SSH1: variants seen among roughly 807,000 people sequenced by gnomAD.
The protein encoded by SSH1 is protein phosphatase Slingshot homolog 1.
Under a neutral mutation model 79.7 loss-of-function variants are expected in SSH1, and 43 were observed. The observed-to-expected ratio is 0.54, with a 90% CI of 0.42 to 0.70. The LOEUF is 0.70. SSH1 is among the 30% of genes least tolerant of loss of function. The probability of loss-of-function intolerance (pLI) is 0.00; values close to 1 mark genes in which losing one functional copy is unlikely to be tolerated. For missense variants in SSH1, 1,206 were observed against 1,358.8 expected (o/e 0.89, Z 1.77); for synonymous variants, 599 against 538.3 (o/e 1.11, Z -1.56).
Position 108,788,890 on chromosome 12 carries a change from C to CT in SSH1, c.2247dup (p.Val750SerfsTer14). On this transcript the variant is annotated frameshift_variant, in exon 15 of 15. Transcript: ENST00000326495. LOFTEE classifies it low-confidence loss of function (END_TRUNC). ...TTCAAAAGGAGGGACTTTGGCAGGA[C>CT]TTTTGGGGTCTCTCTGGAAGGTTCC... The CT allele has an allele frequency of 6.2e-7, 1 of 1,614,222 alleles. No individual in the cohort carries two copies. Among genetic ancestry groups the CT allele is most frequent in the Non-Finnish European group, 8.5e-7 (1 of 1,180,044 alleles).
Position 108,811,148 on chromosome 12 carries a change from C to T in SSH1, c.470+112G>A, listed in dbSNP as rs2037568305. ...ATATGATTTCTCCCGCTGTGACACT[C>T]CCGCCACACGTGTCATTCAGTGCTA... On this transcript the variant is annotated intron_variant, in intron 6 of 14. Coordinates refer to ENST00000326495, the MANE Select transcript of SSH1 (RefSeq NM_018984.4). The T allele has an allele frequency of 5.0e-6, 5 of 993,754 alleles. No homozygotes were observed. In the South Asian group the frequency reaches 6.5e-5, roughly 13 times the overall value. The allele number at this position is 993,754 out of a possible 1,614,324, so 61.6% of individuals were successfully genotyped here.
At chr12:108,834,094 T>C (rs1271675266) in intron 2 of SSH1, 1 of 152,272 alleles carries the variant, frequency 6.6e-6, no homozygotes, top group Non-Finnish European at 1.5e-5. Flanking sequence ...ATTCATCTGC[T>C]ATGTCCTGAC....
chr12:108,813,939 T>C (rs973588352), intron 5 of SSH1, among the ~76,000 whole-genome samples: 2 of 151,862 alleles, frequency 1.3e-5, no homozygotes, highest in Non-Finnish European at 2.9e-5. Flanking sequence ...AGACTCTGAG[T>C]GAGGCCGGGT....
intron 5 of SSH1, among the ~76,000 whole-genome samples, chr12:108,814,691 C>T (rs899201567): frequency 2.0e-5 from 3 of 152,196 alleles, no homozygotes; most frequent in African/African-American, 7.2e-5. Context: ...GCCTTGGGGT[C>T]GGTGCCCACA....
rs765936639 is a variant in SSH1, at chr12:108,788,013, CTCTT to C, written c.3121_3124del (p.Lys1041AlafsTer5). On this transcript the variant is annotated frameshift_variant, in exon 15 of 15. Coordinates refer to ENST00000326495, the MANE Select transcript of SSH1 (RefSeq NM_018984.4). LOFTEE classifies it high-confidence loss of function. ...TCAGCTTTTGCTCATCCACGAAGGGCTCTTTAAGTTTTCTGGGGCGGGTTTCCCT... is the reference window on the plus strand; with the variant it reads ...TCAGCTTTTGCTCATCCACGAAGGGCTAAGTTTTCTGGGGCGGGTTTCCCT... 6.2e-7 allele frequency: 1 copy of C among 1,614,150 alleles called. No individual in the cohort carries two copies. Among genetic ancestry groups the C allele is most frequent in the Non-Finnish European group, 8.5e-7 (1 of 1,180,040 alleles).
intron 5 of SSH1, among the ~76,000 whole-genome samples, chr12:108,813,360 A>G (rs2037715442): frequency 6.6e-6 from 1 of 151,996 alleles, no homozygotes; most frequent in Non-Finnish European, 1.5e-5. Flanking sequence ...ATGGCAAAAC[A>G]CTGATGTGTG....
chr12:108,806,228 C>T (rs2037264693), intron 9 of SSH1, 73 bp downstream of exon 9: 2 of 1,427,246 alleles, frequency 1.4e-6, no homozygotes, highest in Admixed American at 1.7e-5. Flanking sequence ...CCTGCTTTTG[C>T]TGCACTTTCG....
At position 108,794,473 on chromosome 12, in the gene SSH1, G is replaced by T. The variant is rs142033118; in HGVS notation, c.1350-1644C>A. Among the ~76,000 whole-genome samples, 162 of 152,332 alleles carry T rather than the reference G, an allele frequency of 1.1e-3. 1 individual carries two copies. In the East Asian group the frequency reaches 0.019, roughly 18 times the overall value. ...CTCTCAGCGTCAGCTCCTTATCCCT[G>T]CCCTGATCCTCGTAAAAGGGGGATA... On this transcript the variant is annotated intron_variant, in intron 13 of 14. Coordinates refer to ENST00000326495, the MANE Select transcript of SSH1 (RefSeq NM_018984.4).
chr12:108,806,061 G>A (rs765982864), intron 9 of SSH1, among the ~76,000 whole-genome samples: 1 of 152,146 alleles, frequency 6.6e-6, no homozygotes, highest in South Asian at 2.1e-4. Context: ...GGCTCACAAA[G>A]GTCAAGAAAT....
chr12:108,828,829 CA>C (rs1211081424), intron 2 of SSH1, among the ~76,000 whole-genome samples: 1 of 152,180 alleles, frequency 6.6e-6, no homozygotes, highest in Non-Finnish European at 1.5e-5. Flanking sequence ...TTCTCATCAA[CA>C]GGACTATTAT....
intron 5 of SSH1, among the ~76,000 whole-genome samples, chr12:108,814,234 A>T (rs927526651): frequency 2.6e-5 from 4 of 152,054 alleles, no homozygotes; most frequent in Non-Finnish European, 4.4e-5. Context: ...AAAAACAAAA[A>T]CAAAAACTTT....
chr12:108,841,804 TCC>T (rs909240247), intron 2 of SSH1, among the ~76,000 whole-genome samples: 3 of 143,144 alleles, frequency 2.1e-5, no homozygotes, highest in Admixed American at 7.1e-5. Flanking sequence ...CAAGTCTCCA[TCC>T]CCCCCCACAA....
rs182495245 is a variant in SSH1, at chr12:108,795,730, C to T, written c.1350-2901G>A. On this transcript the variant is annotated intron_variant, in intron 13 of 14. Transcript: ENST00000326495. ...AAAAAATTAACCGGGTATTGTGGTG[C>T]GCACCTGTAGTCCCAGCTGTTTGGG... is the stretch of plus-strand genomic sequence containing the variant. Among the ~76,000 whole-genome samples, 530 of 151,978 alleles carry T rather than the reference C, an allele frequency of 3.5e-3. 5 individuals are homozygous for T. The highest frequency in any genetic ancestry group is 3.1e-3 in the Non-Finnish European group (213 of 67,972).
In SSH1 at chr12:108,784,178, T is replaced by G. The variant is rs567506248; in HGVS notation, c.*3810A>C. 6.6e-6 allele frequency: 1 copy of G among 152,184 alleles called. No homozygotes were observed. The highest frequency in any genetic ancestry group is 1.5e-5 in the Non-Finnish European group (1 of 68,106). The allele number at this position is 152,184 out of a possible 1,614,324, so 9.4% of individuals were successfully genotyped here. A position where few individuals can be genotyped will look rare whatever the true frequency, so the allele number is the denominator to read the frequency against. ...AGAGAAAAGGTCCCCAGGAGAGTGG[T>G]AGGGAAATTCATCAACCTTCTAGAA... On this transcript the variant is annotated 3_prime_UTR_variant, in exon 15 of 15. Transcript: ENST00000326495.
At position 108,784,987 on chromosome 12, in the gene SSH1, G is replaced by C. The variant is rs2036231341; in HGVS notation, c.*3001C>G. On this transcript the variant is annotated 3_prime_UTR_variant, in exon 15 of 15. Coordinates refer to ENST00000326495, the MANE Select transcript of SSH1 (RefSeq NM_018984.4). ...GTTTGGAATTTTCCCCATCAGCTAA[G>C]GTTGCATACAAAGCAAGGGCCAAGC... 1 of 152,234 alleles carries C rather than the reference G, an allele frequency of 6.6e-6. No individual in the cohort carries two copies. Among genetic ancestry groups the C allele is most frequent in the Non-Finnish European group, 1.5e-5 (1 of 68,062 alleles). The allele number at this position is 152,234 out of a possible 1,614,324, so 9.4% of individuals were successfully genotyped here.
intron 2 of SSH1, among the ~76,000 whole-genome samples, chr12:108,831,157 TG>T (rs2038463076): frequency 6.6e-6 from 1 of 152,148 alleles, no homozygotes; most frequent in Non-Finnish European, 1.5e-5. Flanking sequence ...GAAGAGGCCC[TG>T]TAAAGGGTCC....
chr12:108,800,142 G>C (rs989768457), intron 12 of SSH1, among the ~76,000 whole-genome samples: 16 of 152,244 alleles, frequency 1.1e-4, no homozygotes, highest in African/African-American at 3.9e-4. Context: ...TAAAGCAGAA[G>C]AGGGTGATTG....
chr12:108,856,415 C>T (rs1460293334), intron 1 of SSH1, among the ~76,000 whole-genome samples: 1 of 152,182 alleles, frequency 6.6e-6, no homozygotes, highest in African/African-American at 2.4e-5. Flanking sequence ...ACACACAGAC[C>T]CACAAAAACG....
intron 13 of SSH1, among the ~76,000 whole-genome samples, chr12:108,796,944 G>A (rs1184113749): frequency 6.6e-6 from 1 of 152,068 alleles, no homozygotes; most frequent in Non-Finnish European, 1.5e-5. Flanking sequence ...GTTTCTCCAT[G>A]TTGGTTAGGC....
Sources: gnomAD v4.1 joint callset for allele counts (sites outside exome capture counted in the v4.1 genomes callset) on GRCh38, gnomAD v4.1.1 for gene constraint, MANE v1.5 for transcripts, NCBI Gene and HGNC (gene_info 2026-07-23, HGNC 2026-07-21) for gene names.